Variants in P2RY8 observed in about 807,000 individuals in gnomAD.
The protein encoded by P2RY8 is P2Y receptor family member 8.
Under a neutral mutation model 10.0 loss-of-function variants are expected in P2RY8, and 6 were observed. The ratio of observed to expected loss-of-function variants is 0.60; its 90% CI spans 0.33 to 1.19. P2RY8 has a LOEUF of 1.19. Among genes scored for constraint, P2RY8 ranks in the 50% most tolerant of loss-of-function variants. The pLI is 0.04. For missense variants in P2RY8, 456 were observed against 542.0 expected (o/e 0.84, Z 1.58); for synonymous variants, 276 against 252.5 (o/e 1.09, Z -0.88).
intron 1 of P2RY8, among the ~76,000 whole-genome samples, chrX:1,522,119 A>AT (rs1394478073): frequency 2.0e-5 from 3 of 149,200 alleles, no homozygotes; most frequent in Non-Finnish European, 4.5e-5. Flanking sequence ...TGCCCAGCTA[A>AT]TTTTTTGTAT....
intron 1 of P2RY8, among the ~76,000 whole-genome samples, chrX:1,501,863 G>C (rs2092183689): frequency 6.6e-6 from 1 of 152,096 alleles, no homozygotes; most frequent in African/African-American, 2.4e-5. Flanking sequence ...AAAGTGCTGG[G>C]ATTACAGGCA....
Position 1,465,979 on chromosome X carries a change from G to A in P2RY8, c.580C>T (p.Leu194Phe). ...AACAGCAGGATGAAGATGGTGAAGAGGAACACGGCCCACATGGCCACGCTG... is the reference window on the plus strand; with the variant it reads ...AACAGCAGGATGAAGATGGTGAAGAAGAACACGGCCCACATGGCCACGCTG... Reference protein sequence around the residue: ...LPSVAMWAVFLFTIFILLFLI... With the variant: ...LPSVAMWAVFFFTIFILLFLI... Residue 194 changes from leucine (L) to phenylalanine (F), a missense_variant, in exon 2 of 2, where the codon CTC (leucine) becomes TTC (phenylalanine). Coordinates refer to ENST00000381297, the MANE Select transcript of P2RY8 (RefSeq NM_178129.5). 1 of 1,612,406 alleles carries A rather than the reference G, an allele frequency of 6.2e-7. No individual in the cohort carries two copies. Among genetic ancestry groups the A allele is most frequent in the Non-Finnish European group, 8.5e-7 (1 of 1,179,798 alleles).
At chrX:1,470,117 G>C (rs2091765350) in intron 1 of P2RY8, among the ~76,000 whole-genome samples, 1 of 152,122 alleles carries the variant, frequency 6.6e-6, no homozygotes, top group Non-Finnish European at 1.5e-5. Context: ...CCAGCACTTT[G>C]GGAGGCCGAG....
Position 1,496,916 on chromosome X carries a change from T to C in P2RY8, c.-24-30334A>G, listed in dbSNP as rs181512915. Among the ~76,000 whole-genome samples the C allele has an allele frequency of 7.6e-3, 1,127 of 149,202 alleles. 17 individuals are homozygous for C. The highest frequency in any genetic ancestry group is 0.024 in the African/African-American group (975 of 39,930). On this transcript the variant is annotated intron_variant, in intron 1 of 1. Coordinates refer to ENST00000381297, the MANE Select transcript of P2RY8 (RefSeq NM_178129.5). The stretch of plus-strand genomic sequence containing the variant: ...CAGTCACTCCGCTAGTAAACCAGTA[T>C]GGATAGAAATGCAAACATCAGGCCG...
rs1328381348 is a variant in P2RY8 at position 1,465,792 on chromosome X, A to G, written c.767T>C (p.Val256Ala). The G allele has an allele frequency of 6.2e-7, 1 of 1,613,462 alleles. No individual in the cohort carries two copies. Among genetic ancestry groups the G allele is most frequent in the Non-Finnish European group, 8.5e-7 (1 of 1,179,834 alleles). The stretch of plus-strand genomic sequence containing the variant: ...GCGGCTCACGATGTGCGCCAGGAGC[A>G]CGAAGTTGTTGGGGGCGAAGCAGGT... ...FVTCFAPNNF[V>A]LLAHIVSRLF... is the part of the protein sequence containing the mutation. The change falls in exon 2 of 2, where the codon GTG becomes GCG. Residue 256 changes from valine to alanine, a missense_variant. Transcript: ENST00000381297.
chrX:1,506,972 G>C (rs112909067), intron 1 of P2RY8, among the ~76,000 whole-genome samples: 1 of 100,054 alleles, frequency 1.0e-5, no homozygotes, highest in Non-Finnish European at 2.5e-5. Context: ...CACCGCGCCC[G>C]GCCACTTTCT....
chrX:1,476,373 G>C (rs1399563687), intron 1 of P2RY8, among the ~76,000 whole-genome samples: 1 of 151,764 alleles, frequency 6.6e-6, no homozygotes, highest in Non-Finnish European at 1.5e-5. Flanking sequence ...TCAGGAGATG[G>C]AGACCATCCT....
chrX:1,512,784 A>C (rs1329400065), intron 1 of P2RY8, among the ~76,000 whole-genome samples: 1 of 152,016 alleles, frequency 6.6e-6, no homozygotes, highest in African/African-American at 2.4e-5. Context: ...ATGGGAGAAA[A>C]CTGCCCATAA....
At chrX:1,468,495 A>T (rs1338696964) in intron 1 of P2RY8, among the ~76,000 whole-genome samples, 1 of 152,128 alleles carries the variant, frequency 6.6e-6, no homozygotes, top group African/African-American at 2.4e-5. Flanking sequence ...ACTAATCAAG[A>T]AATTACCTCT....
At chrX:1,495,720 G>A (rs767565568) in intron 1 of P2RY8, among the ~76,000 whole-genome samples, 12 of 112,280 alleles carry the variant, frequency 1.1e-4, no homozygotes, top group African/African-American at 3.4e-4. Flanking sequence ...GGGAGAAGAC[G>A]GCGTCTCCAA....
intron 1 of P2RY8, among the ~76,000 whole-genome samples, chrX:1,487,365 T>C (rs1182183637): frequency 1.3e-5 from 2 of 152,164 alleles, no homozygotes; most frequent in Non-Finnish European, 1.5e-5. Context: ...ATTGAATGTT[T>C]GCAAACGTTT....
intron 1 of P2RY8, among the ~76,000 whole-genome samples, chrX:1,530,196 CTATCTATCTATCTATCTATG>C (rs2092464403): frequency 7.1e-6 from 1 of 140,722 alleles, no homozygotes; most frequent in Non-Finnish European, 1.6e-5. Context: ...ATCTATCTAT[CTATCTATCTATCTATCTATG>C]TATCCATGTA....
In P2RY8 at chrX:1,462,799, A is replaced by G. The variant is rs2149365334; in HGVS notation, c.*2680T>C. The stretch of plus-strand genomic sequence containing the variant: ...TCCCTCTCTCCATGTCCTGCCAAGA[A>G]CAGAAGTAAAGTTTTCCATCTTAAA... On this transcript the variant is annotated 3_prime_UTR_variant, in exon 2 of 2. Transcript: ENST00000381297. 1 of 232,896 alleles carries G rather than the reference A, an allele frequency of 4.3e-6. No individual in the cohort carries two copies. The highest frequency in any genetic ancestry group is 1.8e-4 in the South Asian group (1 of 5,514). 14.4% of individuals were successfully genotyped at this position (232,896 alleles called of 1,614,324 possible). A position where few individuals can be genotyped will look rare whatever the true frequency, so the allele number is the denominator to read the frequency against.
At chrX:1,488,816 A>C (rs1173771611) in intron 1 of P2RY8, among the ~76,000 whole-genome samples, 1 of 137,222 alleles carries the variant, frequency 7.3e-6, no homozygotes, top group Non-Finnish European at 1.7e-5. Context: ...GCATGTATGA[A>C]TAACACTCAG....
At chrX:1,481,452 C>A (rs1158850703) in intron 1 of P2RY8, among the ~76,000 whole-genome samples, 10 of 152,206 alleles carry the variant, frequency 6.6e-5, no homozygotes, top group Admixed American at 6.5e-4. Context: ...GCGTGAGCCA[C>A]CGTGCCCGGC....
intron 1 of P2RY8, among the ~76,000 whole-genome samples, chrX:1,520,843 A>G (rs1377881693): frequency 1.3e-5 from 2 of 150,830 alleles, no homozygotes; most frequent in African/African-American, 4.9e-5. Context: ...GTCCCCAATA[A>G]TCTCCATAGT....
chrX:1,536,534 T>C lies in P2RY8; in HGVS notation c.-25+387A>G, dbSNP rs1490198210. 3.8e-4 allele frequency among the ~76,000 whole-genome samples: 57 copies of C among 149,502 alleles called. 1 individual carries two copies. Among genetic ancestry groups the C allele is most frequent in the South Asian group, 1.5e-3 (7 of 4,690 alleles). ...ACCTCGGTCCCCCAAAGTGCTGGGATTACAGGCACCTGCCACCACGCCTGG... is the reference window on the plus strand; with the variant it reads ...ACCTCGGTCCCCCAAAGTGCTGGGACTACAGGCACCTGCCACCACGCCTGG... On this transcript the variant is annotated intron_variant, in intron 1 of 1. Transcript: ENST00000381297.
At chrX:1,469,348 C>T (rs2091752091) in intron 1 of P2RY8, among the ~76,000 whole-genome samples, 1 of 151,106 alleles carries the variant, frequency 6.6e-6, no homozygotes, top group African/African-American at 2.4e-5. Context: ...CTTTTTGTAG[C>T]CCCAAAAAGA....
intron 1 of P2RY8, among the ~76,000 whole-genome samples, chrX:1,516,092 G>C (rs2092346107): frequency 6.6e-6 from 1 of 151,636 alleles, no homozygotes; most frequent in Non-Finnish European, 1.5e-5. Context: ...ACCTACTTGG[G>C]AGGCTGAGGC....
Sources: allele counts gnomAD v4.1 joint callset (sites outside exome capture counted in the v4.1 genomes callset), GRCh38; gene constraint gnomAD v4.1.1; transcripts MANE v1.5; gene names NCBI Gene and HGNC (gene_info 2026-07-23, HGNC 2026-07-21).